ATP9B: variants seen among roughly 807,000 people sequenced by gnomAD.
ATP9B encodes the protein probable phospholipid-transporting ATPase IIB.
ATP9B carries 110 observed loss-of-function variants against 146.1 expected under a neutral mutation model. The observed-to-expected ratio is 0.75, with a 90% CI of 0.65 to 0.88. ATP9B has a LOEUF of 0.88. ATP9B is among the 40% of genes least tolerant of loss of function. The pLI is 0.00. For missense variants in ATP9B, 1,499 were observed against 1,496.4 expected, an observed-to-expected ratio of 1.00 and a Z score of -0.03; for synonymous variants, 604 against 569.7, an observed-to-expected ratio of 1.06 and a Z score of -0.86.
rs115454821 is a variant in ATP9B, at chr18:79,092,738, C to T, written c.120-3738C>T. ...GGATCATCAATATCACTATCTTCCA[C>T]CTCCGCATTATGTCACTGGGAAGGC... On this transcript the variant is annotated intron_variant, in intron 1 of 29. Transcript: ENST00000426216. Among the ~76,000 whole-genome samples, 736 of 150,496 alleles carry T rather than the reference C, an allele frequency of 4.9e-3. 4 individuals are homozygous for T. Among genetic ancestry groups the T allele is most frequent in the South Asian group, 0.024 (116 of 4,786 alleles).
chr18:79,146,083 G>C (rs2094581885), intron 6 of ATP9B: 1 of 71,346 alleles, frequency 1.4e-5, no homozygotes. Flanking sequence ...GCATGTCGGG[G>C]GAGCTGGCAG....
At chr18:79,244,840 T>A (rs2095927106) in intron 11 of ATP9B, among the ~76,000 whole-genome samples, 1 of 152,228 alleles carries the variant, frequency 6.6e-6, no homozygotes, top group African/African-American at 2.4e-5. Flanking sequence ...GTATTTTAAA[T>A]CATTTTAAAG....
chr18:79,345,360 C>T, intron 21 of ATP9B, 68 bp from the exon 22 acceptor site: 1 of 1,573,550 alleles, frequency 6.4e-7, no homozygotes. Context: ...TTTGCACTTT[C>T]TACATTACAC....
chr18:79,257,246 G>T (rs2096091671), intron 12 of ATP9B, among the ~76,000 whole-genome samples: 1 of 152,216 alleles, frequency 6.6e-6, no homozygotes, highest in Admixed American at 6.5e-5. Flanking sequence ...GTTGCAGTGA[G>T]CTGAGACCGT....
chr18:79,184,982 G>GA (rs11296587), intron 8 of ATP9B, among the ~76,000 whole-genome samples: 49 of 147,992 alleles, frequency 3.3e-4, no homozygotes, highest in Non-Finnish European at 4.8e-4. Context: ...AAATTTGTCT[G>GA]AAAAAAAAAA....
At chr18:79,101,610 A>G (rs1442213193) in intron 2 of ATP9B, among the ~76,000 whole-genome samples, 4 of 152,118 alleles carry the variant, frequency 2.6e-5, no homozygotes, top group Non-Finnish European at 5.9e-5. Flanking sequence ...GAAACTGCCA[A>G]AATATTTCCC....
chr18:79,307,721 A>G (rs1207959058), intron 15 of ATP9B, among the ~76,000 whole-genome samples: 1 of 152,234 alleles, frequency 6.6e-6, no homozygotes, highest in Non-Finnish European at 1.5e-5. Flanking sequence ...ACCTACAGAA[A>G]TGGTAAGATC....
intron 6 of ATP9B, 97 bp from the exon 7 acceptor site, chr18:79,154,407 C>A (rs1287529349): frequency 3.8e-6 from 3 of 799,038 alleles, no homozygotes; most frequent in Non-Finnish European, 6.0e-6. Context: ...ATTATATTAT[C>A]TTAGTTGTTT....
chr18:79,328,623 T>G (rs1285364635), intron 15 of ATP9B, among the ~76,000 whole-genome samples: 2 of 152,236 alleles, frequency 1.3e-5, no homozygotes, highest in Non-Finnish European at 2.9e-5. Context: ...TTGTCTATCT[T>G]GTCTCCTTTA....
At chr18:79,169,948 A>C (rs1056831385) in intron 7 of ATP9B, among the ~76,000 whole-genome samples, 2 of 152,208 alleles carry the variant, frequency 1.3e-5, no homozygotes, top group Non-Finnish European at 2.9e-5. Context: ...CTTCCAGCAA[A>C]GTTACAAAAT....
At chr18:79,137,513 A>G (rs1421685401) in intron 5 of ATP9B, among the ~76,000 whole-genome samples, 1 of 152,146 alleles carries the variant, frequency 6.6e-6, no homozygotes, top group Non-Finnish European at 1.5e-5. Flanking sequence ...CCCCAGCGTG[A>G]GGCCAGACGT....
At chr18:79,084,057 C>T (rs2073562551) in intron 1 of ATP9B, among the ~76,000 whole-genome samples, 2 of 151,836 alleles carry the variant, frequency 1.3e-5, no homozygotes. Flanking sequence ...CAGGGTTTCA[C>T]CATGTTGGCC....
At chr18:79,095,179 C>T (rs2074686062) in intron 1 of ATP9B, among the ~76,000 whole-genome samples, 1 of 152,144 alleles carries the variant, frequency 6.6e-6, no homozygotes. Context: ...CCACTTATTG[C>T]TCCTTTCCTT....
intron 26 of ATP9B, among the ~76,000 whole-genome samples, chr18:79,369,847 C>T (rs2147975355): frequency 6.6e-6 from 1 of 152,292 alleles, no homozygotes; most frequent in African/African-American, 2.4e-5. Context: ...GCTTGTAATC[C>T]CAGCACTTTG....
intron 11 of ATP9B, among the ~76,000 whole-genome samples, chr18:79,226,608 C>G (rs11661438): frequency 0.35 from 53,666 of 152,062 alleles, 9,998 homozygotes; most frequent in African/African-American, 0.47. Context: ...CGAGACTTCC[C>G]ACGCCCTGGA....
intron 11 of ATP9B, among the ~76,000 whole-genome samples, chr18:79,222,375 C>G (rs1157424382): frequency 6.6e-6 from 1 of 151,850 alleles, no homozygotes; most frequent in Non-Finnish European, 1.5e-5. Flanking sequence ...AAAAAAGACA[C>G]TTTGGCTGCT....
At chr18:79,331,421 G>A (rs1419841820) in intron 17 of ATP9B, among the ~76,000 whole-genome samples, 5 of 152,084 alleles carry the variant, frequency 3.3e-5, no homozygotes, top group Admixed American at 3.3e-4. Context: ...GCTTTATGAG[G>A]CCAAATCAAT....
At chr18:79,373,051 C>T (rs1600491524) in intron 27 of ATP9B, among the ~76,000 whole-genome samples, 169 bp downstream of exon 27, 1 of 149,384 alleles carries the variant, frequency 6.7e-6, no homozygotes, top group Admixed American at 6.6e-5. Flanking sequence ...AACATGGGTC[C>T]TTTTTTTTTT....
intron 13 of ATP9B, among the ~76,000 whole-genome samples, chr18:79,293,890 T>C (rs1302643067): frequency 6.6e-6 from 1 of 152,220 alleles, no homozygotes; most frequent in African/African-American, 2.4e-5. Context: ...TTCAGTATTT[T>C]AGCATCGCCT....
Sources: allele counts gnomAD v4.1 joint callset (sites outside exome capture counted in the v4.1 genomes callset), GRCh38; gene constraint gnomAD v4.1.1; transcripts MANE v1.5; gene names NCBI Gene and HGNC (gene_info 2026-07-23, HGNC 2026-07-21).